The following NEIL3 variants were observed in gnomAD, a reference collection of about 807,000 sequenced individuals.
NEIL3 encodes endonuclease 8-like 3.
A neutral mutation model predicts 57.5 loss-of-function variants in NEIL3; 48 were observed. The ratio of observed to expected loss-of-function variants is 0.83; its 90% confidence interval spans 0.66 to 1.06. The LOEUF (loss-of-function observed/expected upper bound fraction) is 1.06, where lower values mean the gene tolerates loss of function less well. Among genes scored for constraint, NEIL3 ranks in the 50% least tolerant of loss-of-function variants. NEIL3 has a pLI of 0.00. For synonymous variants in NEIL3, 261 were observed against 253.2 expected, an observed-to-expected ratio of 1.03 and a Z score of -0.29; for missense variants, 717 against 739.1, an observed-to-expected ratio of 0.97 and a Z score of 0.35.
chr4:177,322,952 T>C (rs190605852), intron 2 of NEIL3, among the ~76,000 whole-genome samples: 2 of 152,292 alleles, frequency 1.3e-5, no homozygotes, highest in East Asian at 3.9e-4. Flanking sequence ...TTTAAATGTA[T>C]CACTTGATCT....
Position 177,341,473 on chromosome 4 carries a change from T to TG in NEIL3, c.703-3_703-2insG. On this transcript the variant is annotated splice_region_variant and splice_polypyrimidine_tract_variant and intron_variant, in intron 5 of 9. Transcript: ENST00000264596. ...AGAATTTTTTGGTTTTTTTTTTTTTTAGTGCCGTAAAGCAGGACTTGCTCT... is the reference window on the plus strand; with the variant it reads ...AGAATTTTTTGGTTTTTTTTTTTTTTGAGTGCCGTAAAGCAGGACTTGCTCT... 1.9e-6 allele frequency: 3 copies of TG among 1,553,584 alleles called. No individual in the cohort carries two copies. Among genetic ancestry groups the TG allele is most frequent in the Non-Finnish European group, 2.6e-6 (3 of 1,155,626 alleles).
intron 6 of NEIL3, among the ~76,000 whole-genome samples, chr4:177,342,548 G>A (rs928631386): frequency 6.6e-6 from 1 of 152,108 alleles, no homozygotes; most frequent in African/African-American, 2.4e-5. Context: ...ATGGGTTCAG[G>A]GATATTAGAG....
At chr4:177,365,177 C>T (rs1735677553), downstream of NEIL3, among the ~76,000 whole-genome samples, 1 of 152,060 alleles carries the variant, frequency 6.6e-6, no homozygotes, top group Admixed American at 6.6e-5. Context: ...GTGAGTTTTC[C>T]TCTGGACACT....
chr4:177,321,146 T>C (rs1308023712), intron 1 of NEIL3, among the ~76,000 whole-genome samples: 1 of 152,174 alleles, frequency 6.6e-6, no homozygotes, highest in East Asian at 1.9e-4. Flanking sequence ...TCACTCTAAA[T>C]TGAGGAAAAA....
Position 177,362,581 on chromosome 4 carries a change from G to A in NEIL3, c.*110G>A, listed in dbSNP as rs1203541481. 3.7e-6 allele frequency: 3 copies of A among 800,788 alleles called. No homozygotes were observed. In the African/African-American group the frequency reaches 5.4e-5, roughly 14 times the overall value. The allele number at this position is 800,788 out of a possible 1,614,324, so 49.6% of individuals were successfully genotyped here. On this transcript the variant is annotated 3_prime_UTR_variant, in exon 10 of 10. Transcript: ENST00000264596. The stretch of plus-strand genomic sequence containing the variant: ...ATCTATGATACATTGAAAAGTTACT[G>A]CAATATTTGAGAACTGTTCTTTTTT...
downstream of NEIL3, among the ~76,000 whole-genome samples, chr4:177,364,532 G>A (rs981000629): frequency 2.6e-5 from 4 of 152,174 alleles, no homozygotes; most frequent in Non-Finnish European, 5.9e-5. Flanking sequence ...TCTCAGAAAG[G>A]ACATGGAGAG....
At position 177,360,519 on chromosome 4, in the gene NEIL3, A is replaced by G. The variant is rs150945272; in HGVS notation, c.1477A>G (p.Met493Val). 5 of 1,613,584 alleles carry G rather than the reference A, an allele frequency of 3.1e-6. No homozygotes were observed. Among genetic ancestry groups the G allele is most frequent in the South Asian group, 1.1e-5 (1 of 91,022 alleles). The change falls in exon 9 of 10, where the codon ATG becomes GTG. Residue 493 changes from methionine to valine, a missense_variant. Transcript: ENST00000264596. ...TCATTACAGTGAACTTCAAATTAATATGACAGATGGCCCTCGTACCTTAAA... is the reference window on the plus strand; with the variant it reads ...TCATTACAGTGAACTTCAAATTAATGTGACAGATGGCCCTCGTACCTTAAA... ...GYSNSELQINMTDGPRTLNPD... is the reference protein window; with the variant it reads ...GYSNSELQINVTDGPRTLNPD...
intron 2 of NEIL3, among the ~76,000 whole-genome samples, chr4:177,329,025 C>T (rs1734833865): frequency 6.6e-6 from 1 of 151,912 alleles, no homozygotes; most frequent in South Asian, 2.1e-4. Context: ...ATTTGCATAT[C>T]GTTTGAATAT....
intron 2 of NEIL3, among the ~76,000 whole-genome samples, chr4:177,329,683 A>T (rs1734845837): frequency 6.6e-6 from 1 of 152,216 alleles, no homozygotes; most frequent in Non-Finnish European, 1.5e-5. Flanking sequence ...ATCAGCAAGG[A>T]TAAAAGACCT....
At chr4:177,328,043 A>G (rs1013029451) in intron 2 of NEIL3, among the ~76,000 whole-genome samples, 1 of 152,210 alleles carries the variant, frequency 6.6e-6, no homozygotes, top group Non-Finnish European at 1.5e-5. Context: ...TTTTGGTATT[A>G]GGGTAATGAT....
At chr4:177,334,374 A>AT (rs1734937025) in intron 2 of NEIL3, among the ~76,000 whole-genome samples, 2 of 152,316 alleles carry the variant, frequency 1.3e-5, no homozygotes, top group African/African-American at 4.8e-5. Flanking sequence ...AAATGAATTG[A>AT]TTTATAAGTC....
Position 177,353,657 on chromosome 4 carries a change from A to G in NEIL3, c.1389A>G (p.Ala463=). The change falls in exon 8 of 10, where the codon GCA becomes GCG. Residue 463 remains alanine, a synonymous_variant. Coordinates refer to ENST00000264596, the MANE Select transcript of NEIL3 (RefSeq NM_018248.3). Reference sequence around the variant, plus strand: ...CAGAATCTAAATTATTTAGTCCAGCACATAAAAAACCGAAAACAGCCCAAT... The same window carrying G: ...CAGAATCTAAATTATTTAGTCCAGCGCATAAAAAACCGAAAACAGCCCAAT... The part of the protein sequence containing the change: ...ISSESKLFSP[A]HKKPKTAQYS... The G allele has an allele frequency of 6.2e-7, 1 of 1,613,892 alleles. No homozygotes were observed. The highest frequency in any genetic ancestry group is 1.1e-5 in the South Asian group (1 of 91,070).
At chr4:177,336,035 G>A in intron 3 of NEIL3, 73 bp from the exon 4 acceptor site, 2 of 1,310,958 alleles carry the variant, frequency 1.5e-6, no homozygotes, top group Non-Finnish European at 2.2e-6. Context: ...TTATAGCAAA[G>A]CTCATTTTAA....
At chr4:177,354,052 C>A in intron 8 of NEIL3, 1 of 236,114 alleles carries the variant, frequency 4.2e-6, no homozygotes. Flanking sequence ...CAGGCTTGAG[C>A]CACCATGCCC....
chr4:177,334,538 A>G (rs1195448693), intron 2 of NEIL3, among the ~76,000 whole-genome samples: 2 of 152,124 alleles, frequency 1.3e-5, no homozygotes, highest in African/African-American at 4.8e-5. Flanking sequence ...AAGATTTTAG[A>G]TATGATGGCT....
At chr4:177,355,619 T>C (rs535958605) in intron 8 of NEIL3, among the ~76,000 whole-genome samples, 5 of 152,282 alleles carry the variant, frequency 3.3e-5, no homozygotes, top group Non-Finnish European at 7.3e-5. Flanking sequence ...TAATCTCAGG[T>C]GGAATTCTGA....
chr4:177,333,706 AATCATTCC>A (rs1214139268), intron 2 of NEIL3, among the ~76,000 whole-genome samples: 1 of 152,168 alleles, frequency 6.6e-6, no homozygotes, highest in African/African-American at 2.4e-5. Flanking sequence ...TCACATCGGG[AATCATTCC>A]CATAGACAGC....
At chr4:177,357,082 G>C (rs1735488022) in intron 8 of NEIL3, 1 of 152,264 alleles carries the variant, frequency 6.6e-6, no homozygotes, top group South Asian at 2.1e-4. Context: ...GTTGCTTCTT[G>C]GAGTTTTCAG....
intron 8 of NEIL3, among the ~76,000 whole-genome samples, chr4:177,358,465 G>A (rs1437875086): frequency 2.6e-5 from 4 of 152,086 alleles, no homozygotes; most frequent in African/African-American, 9.6e-5. Flanking sequence ...CCGCCACCAC[G>A]CCCAGCTAAT....
Sources: gnomAD v4.1 joint callset for allele counts (sites outside exome capture counted in the v4.1 genomes callset) on GRCh38, gnomAD v4.1.1 for gene constraint, MANE v1.5 for transcripts, NCBI Gene and HGNC (gene_info 2026-07-23, HGNC 2026-07-21) for gene names.